Variants in CNTN5 observed in about 807,000 individuals in gnomAD.
CNTN5 encodes contactin-5.
In CNTN5, 77 loss-of-function variants were observed where a neutral mutation model predicts 129.1. The ratio of observed to expected loss-of-function variants is 0.60; its 90% CI spans 0.50 to 0.72. The LOEUF is 0.72. Ranked by LOEUF, CNTN5 falls within the 30% of genes least tolerant of loss-of-function variation. The pLI, the probability that CNTN5 is intolerant of heterozygous loss-of-function variation, is 0.00. For synonymous variants in CNTN5, 509 were observed against 465.6 expected, an observed-to-expected ratio of 1.09 and a Z score of -1.20; for missense variants, 1,478 against 1,328.8, an observed-to-expected ratio of 1.11 and a Z score of -1.75.
chr11:99,699,095 A>C (rs1363308474), intron 3 of CNTN5, among the ~76,000 whole-genome samples: 1 of 151,396 alleles, frequency 6.6e-6, no homozygotes, highest in Non-Finnish European at 1.5e-5. Flanking sequence ...ATAACGTTCA[A>C]TTTTCTTCTC....
intron 3 of CNTN5, among the ~76,000 whole-genome samples, chr11:99,742,460 AT>A (rs1943916677): frequency 6.6e-6 from 1 of 152,150 alleles, no homozygotes. Context: ...AAATCATTTA[AT>A]ATTTTTGAAT....
chr11:99,797,889 T>G (rs942658500), intron 3 of CNTN5, among the ~76,000 whole-genome samples: 1 of 152,160 alleles, frequency 6.6e-6, no homozygotes, highest in Admixed American at 6.6e-5. Context: ...AATTATAAAT[T>G]GTACCACAAT....
intron 3 of CNTN5, among the ~76,000 whole-genome samples, chr11:99,815,568 G>A (rs76619244): frequency 6.6e-6 from 1 of 152,110 alleles, no homozygotes; most frequent in Non-Finnish European, 1.5e-5. Flanking sequence ...TGGTAATGCA[G>A]GGGGTTCCAG....
intron 2 of CNTN5, among the ~76,000 whole-genome samples, chr11:99,392,254 A>C (rs916089270): frequency 2.6e-5 from 4 of 151,740 alleles, no homozygotes; most frequent in African/African-American, 9.7e-5. Context: ...CAACTATAAT[A>C]GTTATTATAC....
rs547644072 is a variant in CNTN5 at position 99,531,082 on chromosome 11, A to G, written c.-70-25063A>G. On this transcript the variant is annotated intron_variant, in intron 2 of 24. Transcript: ENST00000524871. Reference sequence around the variant, plus strand: ...GACAGGAAAATGTGGAAGAGTTTGGAACTTCCTAGAGACTTGTTGAATGGC... The same window carrying G: ...GACAGGAAAATGTGGAAGAGTTTGGGACTTCCTAGAGACTTGTTGAATGGC... Among the ~76,000 whole-genome samples, 6 of 152,300 alleles carry G rather than the reference A, an allele frequency of 3.9e-5. 1 individual carries two copies. In the East Asian group the frequency reaches 1.2e-3, roughly 29 times the overall value.
At chr11:99,961,223 A>AAAC (rs1950938475) in intron 8 of CNTN5, among the ~76,000 whole-genome samples, 1 of 151,020 alleles carries the variant, frequency 6.6e-6, no homozygotes, top group Non-Finnish European at 1.5e-5. Context: ...AAAAAAAAAA[A>AAAC]AACAGTAGAA....
In CNTN5 at chr11:99,542,653, A is replaced by T. The variant is rs78217067; in HGVS notation, c.-70-13492A>T. ...CAAAAAAATCTCCAAATATTGCTAAATGTTCCCTGGAGGGCAAAATCACCT... is the reference window on the plus strand; with the variant it reads ...CAAAAAAATCTCCAAATATTGCTAATTGTTCCCTGGAGGGCAAAATCACCT... On this transcript the variant is annotated intron_variant, in intron 2 of 24. Transcript: ENST00000524871. 0.011 allele frequency among the ~76,000 whole-genome samples: 1,676 copies of T among 152,280 alleles called. 109 individuals are homozygous for T. In the East Asian group the frequency reaches 0.15, roughly 13 times the overall value.
At chr11:100,164,892 A>G (rs1333754589) in intron 13 of CNTN5, among the ~76,000 whole-genome samples, 1 of 151,870 alleles carries the variant, frequency 6.6e-6, no homozygotes, top group Non-Finnish European at 1.5e-5. Context: ...TCCCTGACCT[A>G]TGACACTTTT....
In CNTN5 at chr11:99,730,664, T is replaced by A. The variant is rs182693460; in HGVS notation, c.56-88880T>A. On this transcript the variant is annotated intron_variant, in intron 3 of 24. Coordinates refer to ENST00000524871, the MANE Select transcript of CNTN5 (RefSeq NM_014361.4). ...GTTCTTCAATAACAAATGAGTATTT[T>A]AAAAAATTATTTTACTAATACATAA... Among the ~76,000 whole-genome samples, 226 of 152,006 alleles carry A rather than the reference T, an allele frequency of 1.5e-3. 2 individuals are homozygous for A. Among genetic ancestry groups the A allele is most frequent in the African/African-American group, 5.1e-3 (211 of 41,562 alleles).
At chr11:99,900,093 C>G (rs1949314657) in intron 6 of CNTN5, among the ~76,000 whole-genome samples, 1 of 151,198 alleles carries the variant, frequency 6.6e-6, no homozygotes, top group Non-Finnish European at 1.5e-5. Flanking sequence ...TTATTTGAGT[C>G]TTCTCTCTTT....
intron 3 of CNTN5, among the ~76,000 whole-genome samples, chr11:99,587,795 T>C (rs902502515): frequency 6.6e-6 from 1 of 152,176 alleles, no homozygotes; most frequent in African/African-American, 2.4e-5. Context: ...GCAAAACACT[T>C]TGAAGGATTA....
chr11:100,279,709 G>T (rs540043830), intron 18 of CNTN5, among the ~76,000 whole-genome samples: 2 of 151,012 alleles, frequency 1.3e-5, no homozygotes, highest in South Asian at 4.2e-4. Flanking sequence ...TTTTTTCTTA[G>T]TCTGGCTAAA....
rs199619642 is a variant in CNTN5 at position 100,271,287 on chromosome 11, G to A, written c.2314+46G>A. On this transcript the variant is annotated intron_variant, in intron 18 of 24. Coordinates refer to ENST00000524871, the MANE Select transcript of CNTN5 (RefSeq NM_014361.4). ...GATTGGATTTGGTATGCTTCTAATC[G>A]TCTTGAAAGTGAGTTGAATTAACCA... is the stretch of plus-strand genomic sequence containing the variant. 158 of 1,432,172 alleles carry A rather than the reference G, an allele frequency of 1.1e-4. 1 individual carries two copies. Among genetic ancestry groups the A allele is most frequent in the South Asian group, 8.6e-4 (56 of 65,196 alleles). 88.7% of individuals were successfully genotyped at this position (1,432,172 alleles called of 1,614,324 possible). A position where few individuals can be genotyped will look rare whatever the true frequency, so the allele number is the denominator to read the frequency against.
At chr11:99,236,905 A>G (rs113390155) in intron 1 of CNTN5, among the ~76,000 whole-genome samples, 3,458 of 151,932 alleles carry the variant, frequency 0.023, 131 homozygotes, top group African/African-American at 0.079. Context: ...ACTTATTCCA[A>G]TAATATCTTA....
At chr11:99,637,288 A>G (rs539380436) in intron 3 of CNTN5, among the ~76,000 whole-genome samples, 2 of 152,208 alleles carry the variant, frequency 1.3e-5, no homozygotes, top group African/African-American at 2.4e-5. Context: ...AGAATACCTT[A>G]TAGCATATAA....
intron 6 of CNTN5, among the ~76,000 whole-genome samples, chr11:99,891,627 A>G (rs2135909528): frequency 6.6e-6 from 1 of 152,226 alleles, no homozygotes; most frequent in African/African-American, 2.4e-5. Flanking sequence ...GATGGTTTCC[A>G]GCTTCATTCA....
chr11:99,401,031 G>T (rs1282451397), intron 2 of CNTN5, among the ~76,000 whole-genome samples: 2 of 152,030 alleles, frequency 1.3e-5, no homozygotes, highest in South Asian at 2.1e-4. Flanking sequence ...CCTGTGGGTT[G>T]TCTGTTTACT....
chr11:99,343,181 T>G (rs59389690), intron 2 of CNTN5, among the ~76,000 whole-genome samples: 4,156 of 152,200 alleles, frequency 0.027, 189 homozygotes, highest in African/African-American at 0.095. Context: ...CTTTATCACC[T>G]GGGAAATGAT....
At position 99,586,786 on chromosome 11, in the gene CNTN5, A is replaced by G. The variant is rs74703338; in HGVS notation, c.55+30517A>G. Among the ~76,000 whole-genome samples, 619 of 152,290 alleles carry G rather than the reference A, an allele frequency of 4.1e-3. 38 individuals are homozygous for G. In the East Asian group the frequency reaches 0.11, roughly 26 times the overall value. ...CCATATTTTGACTGACTTTATTTAAAGTTTTAAGGAAGGGCCACTCATCTA... is the reference window on the plus strand; with the variant it reads ...CCATATTTTGACTGACTTTATTTAAGGTTTTAAGGAAGGGCCACTCATCTA... On this transcript the variant is annotated intron_variant, in intron 3 of 24. Transcript: ENST00000524871.
Sources: gnomAD v4.1 joint callset for allele counts (sites outside exome capture counted in the v4.1 genomes callset) on GRCh38, gnomAD v4.1.1 for gene constraint, MANE v1.5 for transcripts, NCBI Gene and HGNC (gene_info 2026-07-23, HGNC 2026-07-21) for gene names.